Variants in POU6F2 observed in about 807,000 individuals in gnomAD.
POU6F2 encodes POU domain, class 6, transcription factor 2.
In POU6F2, 31 loss-of-function variants were observed where a neutral mutation model predicts 71.3. The observed-to-expected ratio is 0.43, with a 90% CI of 0.33 to 0.59. The LOEUF (loss-of-function observed/expected upper bound fraction) is 0.59, where lower values mean the gene tolerates loss of function less well. Among genes scored for constraint, POU6F2 ranks in the 20% least tolerant of loss-of-function variants. The probability of loss-of-function intolerance (pLI) is 0.04; values close to 1 mark genes in which losing one functional copy is unlikely to be tolerated. For synonymous variants in POU6F2, 347 were observed against 355.7 expected, an observed-to-expected ratio of 0.98 and a Z score of 0.27; for missense variants, 783 against 856.8, an observed-to-expected ratio of 0.91 and a Z score of 1.07.
chr7:39,149,453 A>G (rs907800584), intron 2 of POU6F2, among the ~76,000 whole-genome samples: 13 of 152,256 alleles, frequency 8.5e-5, no homozygotes, highest in African/African-American at 2.9e-4. Flanking sequence ...ATACATAAAG[A>G]TAGTGAAATG....
intron 8 of POU6F2, among the ~76,000 whole-genome samples, chr7:39,458,291 T>G (rs1419316373): frequency 2.0e-5 from 3 of 152,018 alleles, no homozygotes; most frequent in African/African-American, 7.3e-5. Context: ...CAAGTGCAAA[T>G]GTACATCCGG....
At chr7:39,080,762 A>C (rs1791101960) in intron 1 of POU6F2, among the ~76,000 whole-genome samples, 1 of 152,120 alleles carries the variant, frequency 6.6e-6, no homozygotes, top group Non-Finnish European at 1.5e-5. Flanking sequence ...CAGTGTAGAG[A>C]GATGTGGGTA....
chr7:39,190,417 TAAAAAAAAA>T (rs57872350), intron 2 of POU6F2, among the ~76,000 whole-genome samples: 15 of 59,906 alleles, frequency 2.5e-4, no homozygotes, highest in African/African-American at 5.9e-4. Flanking sequence ...CTCCTTTTCT[TAAAAAAAAA>T]AAAAAAAAAA....
At chr7:39,280,385 C>T (rs1274480660) in intron 4 of POU6F2, among the ~76,000 whole-genome samples, 3 of 152,198 alleles carry the variant, frequency 2.0e-5, no homozygotes, top group African/African-American at 7.2e-5. Context: ...CCTTTCCCTC[C>T]TTCTCTCCTG....
intron 2 of POU6F2, among the ~76,000 whole-genome samples, chr7:39,126,284 G>T (rs1332615739): frequency 6.6e-6 from 1 of 152,226 alleles, no homozygotes; most frequent in Non-Finnish European, 1.5e-5. Context: ...AAGGAAAGTG[G>T]AGGCAAACTT....
intron 2 of POU6F2, among the ~76,000 whole-genome samples, chr7:39,140,595 T>C (rs567530502): frequency 6.6e-6 from 1 of 152,252 alleles, no homozygotes; most frequent in Non-Finnish European, 1.5e-5. Flanking sequence ...CCTCATCCTT[T>C]GTGTGTGGTC....
chr7:39,441,474 G>A (rs1349111712), intron 7 of POU6F2, among the ~76,000 whole-genome samples: 1 of 152,092 alleles, frequency 6.6e-6, no homozygotes, highest in South Asian at 2.1e-4. Context: ...AAAAAAATAT[G>A]AGAAGCAAGG....
At chr7:39,416,296 A>T (rs965376994) in intron 6 of POU6F2, among the ~76,000 whole-genome samples, 1 of 152,246 alleles carries the variant, frequency 6.6e-6, no homozygotes, top group Non-Finnish European at 1.5e-5. Flanking sequence ...TCTGTATCAG[A>T]TCTCCACTTC....
chr7:39,079,435 C>T (rs2128719654), intron 1 of POU6F2, among the ~76,000 whole-genome samples: 1 of 152,132 alleles, frequency 6.6e-6, no homozygotes, highest in East Asian at 1.9e-4. Context: ...CCTAGGCCTC[C>T]CAAAGTGCTG....
At position 39,406,588 on chromosome 7, in the gene POU6F2, C is replaced by G. The variant is rs1230620049; in HGVS notation, c.973-12C>G. ...TCGGTGGTTTTCACGGTGATCTTTT[C>G]TCTCTTTGCAGCTGGTTAATAATCC... On this transcript the variant is annotated splice_polypyrimidine_tract_variant and intron_variant, in intron 5 of 9. Transcript: ENST00000518318. 2.5e-6 allele frequency: 4 copies of G among 1,607,460 alleles called. No homozygotes were observed. Among genetic ancestry groups the G allele is most frequent in the Non-Finnish European group, 3.4e-6 (4 of 1,176,894 alleles).
At chr7:39,208,613 G>A (rs545842832) in intron 4 of POU6F2, among the ~76,000 whole-genome samples, 1 of 152,220 alleles carries the variant, frequency 6.6e-6, no homozygotes, top group South Asian at 2.1e-4. Flanking sequence ...ACTTCTTTCC[G>A]TTCTCTATGT....
intron 4 of POU6F2, among the ~76,000 whole-genome samples, chr7:39,335,878 C>T (rs1343619731): frequency 6.6e-6 from 1 of 152,160 alleles, no homozygotes. Context: ...AACGCCCTGC[C>T]CTGCCAATCC....
intron 2 of POU6F2, among the ~76,000 whole-genome samples, chr7:39,185,764 A>T (rs1250338636): frequency 1.3e-5 from 2 of 151,614 alleles, no homozygotes. Flanking sequence ...TTAGTAAATT[A>T]ATTAAGTAAT....
intron 2 of POU6F2, among the ~76,000 whole-genome samples, chr7:39,127,102 A>G (rs921792528): frequency 7.9e-5 from 12 of 152,272 alleles, no homozygotes; most frequent in African/African-American, 2.7e-4. Flanking sequence ...TGTATTCATT[A>G]GATAAAAATG....
intron 6 of POU6F2, among the ~76,000 whole-genome samples, chr7:39,417,053 T>C (rs2024100): frequency 0.43 from 64,886 of 151,848 alleles, 14,773 homozygotes; most frequent in East Asian, 0.7. Flanking sequence ...AGAAGGAGGG[T>C]GGACAAGAAA....
chr7:39,154,438 G>C (rs1792824225), intron 2 of POU6F2, among the ~76,000 whole-genome samples: 1 of 152,188 alleles, frequency 6.6e-6, no homozygotes. Context: ...CACAGCAAGT[G>C]CTCCCTTAAC....
intron 1 of POU6F2, among the ~76,000 whole-genome samples, chr7:39,082,169 C>T (rs61550119): frequency 0.12 from 17,718 of 152,176 alleles, 1,068 homozygotes; most frequent in Middle Eastern, 0.17. Context: ...TTGTAGGACA[C>T]GGTGAAAATT....
chr7:39,159,520 T>C (rs1792945021), intron 2 of POU6F2, among the ~76,000 whole-genome samples: 1 of 152,228 alleles, frequency 6.6e-6, no homozygotes, highest in Non-Finnish European at 1.5e-5. Flanking sequence ...CTTTTTAAAG[T>C]GTTGAAACGT....
At chr7:39,211,754 G>A (rs997714676) in intron 4 of POU6F2, among the ~76,000 whole-genome samples, 1 of 152,146 alleles carries the variant, frequency 6.6e-6, no homozygotes, top group African/African-American at 2.4e-5. Context: ...CAAACCACAA[G>A]GCTGCAGGCT....
Sources: gnomAD v4.1 joint callset for allele counts (sites outside exome capture counted in the v4.1 genomes callset) on GRCh38, gnomAD v4.1.1 for gene constraint, MANE v1.5 for transcripts, NCBI Gene and HGNC (gene_info 2026-07-23, HGNC 2026-07-21) for gene names.